EPRS1: variants seen among roughly 807,000 people sequenced by gnomAD.
EPRS1 encodes glutamyl-prolyl-tRNA synthetase 1, also known as bifunctional glutamate/proline--tRNA ligase.
EPRS1 carries 107 observed loss-of-function variants against 188.3 expected under a neutral mutation model. The ratio of observed to expected loss-of-function variants is 0.57; its 90% CI spans 0.49 to 0.67. EPRS1 has a LOEUF of 0.67. Ranked by LOEUF, EPRS1 falls within the 30% of genes least tolerant of loss-of-function variation. EPRS1 has a pLI of 0.00. For synonymous variants in EPRS1, 596 were observed against 593.1 expected, an observed-to-expected ratio of 1.00 and a Z score of -0.07; for missense variants, 1,577 against 1,802.2, an observed-to-expected ratio of 0.88 and a Z score of 2.26.
At chr1:220,014,103 G>A (rs760211157) in intron 12 of EPRS1, among the ~76,000 whole-genome samples, 20 of 152,134 alleles carry the variant, frequency 1.3e-4, no homozygotes, top group Non-Finnish European at 2.1e-4. Flanking sequence ...CGAAGTGGGC[G>A]GATCACCTGA....
chr1:219,980,934 C>G (rs1174233228), intron 24 of EPRS1, 77 bp from the exon 25 acceptor site: 15 of 929,754 alleles, frequency 1.6e-5, no homozygotes, highest in Non-Finnish European at 6.8e-6. Context: ...GGGTCTTGCT[C>G]TGTCCCCCAG....
Position 219,988,731 on chromosome 1 carries a change from TG to T in EPRS1, c.2633del (p.Pro878HisfsTer19). 6.2e-7 allele frequency: 1 copy of T among 1,613,922 alleles called. No individual in the cohort carries two copies. Among genetic ancestry groups the T allele is most frequent in the Non-Finnish European group, 8.5e-7 (1 of 1,179,848 alleles). On this transcript the variant is annotated frameshift_variant, in exon 19 of 32. Transcript: ENST00000366923. LOFTEE classifies it high-confidence loss of function. ...TGKEYIPGQP[P>X]LSQSSDSSPT... Reference sequence around the variant, plus strand: ...GGCTTGAATCCGAACTTTGAGATAATGGGGGCTGACCAGGTATGTACTCCTT... The same window carrying T: ...GGCTTGAATCCGAACTTTGAGATAATGGGGCTGACCAGGTATGTACTCCTT...
At position 220,009,034 on chromosome 1, in the gene EPRS1, T is replaced by A. The variant is rs75451964; in HGVS notation, c.1606-1696A>T. On this transcript the variant is annotated intron_variant, in intron 13 of 31. Transcript: ENST00000366923. ...TTAAAAAATAAGCACCCTTCAAAAC[T>A]TTTATTCTCAAGATTCAAATTTTAA... 3.4e-3 allele frequency among the ~76,000 whole-genome samples: 517 copies of A among 152,280 alleles called. 3 individuals are homozygous for A. The highest frequency in any genetic ancestry group is 0.012 in the African/African-American group (505 of 41,552).
At chr1:219,995,446 AG>A (rs1202296864) in intron 18 of EPRS1, among the ~76,000 whole-genome samples, 1 of 152,210 alleles carries the variant, frequency 6.6e-6, no homozygotes, top group Non-Finnish European at 1.5e-5. Context: ...ACACCTAAAA[AG>A]GAGTACATAT....
chr1:220,032,353 T>G (rs1388278177), intron 5 of EPRS1, 34 bp downstream of exon 5: 2 of 1,544,746 alleles, frequency 1.3e-6, no homozygotes, highest in African/African-American at 2.9e-5. Flanking sequence ...CCCAAAGTGT[T>G]TTTTTTTTTA....
intron 11 of EPRS1, 123 bp from the exon 12 acceptor site, chr1:220,018,631 C>A: frequency 2.9e-6 from 2 of 699,076 alleles, no homozygotes; most frequent in Non-Finnish European, 4.9e-6. Context: ...AAGTTTACTT[C>A]TAGTGAAATA....
chr1:219,981,398 T>A lies in EPRS1; in HGVS notation c.3433A>T (p.Asn1145Tyr). 1 of 1,608,436 alleles carries A rather than the reference T, an allele frequency of 6.2e-7. No individual in the cohort carries two copies. The change falls in exon 24 of 32, where the codon AAT (asparagine) becomes TAT (tyrosine). Residue 1145 changes from asparagine to tyrosine, a missense_variant. This residue lies in a region of EPRS1 where 1,278 missense variants were observed against 1,457.4 expected (regional missense o/e 0.88). Transcript: ENST00000366923. ...QSHRDLPIKL[N>Y]QWCNVVRWEF... ...CCTACCACCACATTGCACCACTGAT[T>A]GAGCTTGATGGGCAGGTCTCTGTGT...
rs192901402 is a variant in EPRS1 at position 219,987,189 on chromosome 1, G to A, written c.2991C>T (p.Leu997=). 3 of 1,613,936 alleles carry A rather than the reference G, an allele frequency of 1.9e-6. No individual in the cohort carries two copies. Among genetic ancestry groups the A allele is most frequent in the Admixed American group, 1.7e-5 (1 of 59,976 alleles). Residue 997 remains leucine, a synonymous_variant, in exon 20 of 32, where the codon CTC becomes CTT. Coordinates refer to ENST00000366923, the MANE Select transcript of EPRS1 (RefSeq NM_004446.3). ...KDPSKNQGGG[L]SSSGAGEGQG... ...GCCCTTCTCCTGCTCCACTTGATGA[G>A]AGCCCACCTCCTTGGTTTTTAGAAG...
intron 1 of EPRS1, 136 bp from the exon 2 acceptor site, chr1:220,040,405 T>C (rs1662269622): frequency 1.8e-6 from 1 of 566,406 alleles, no homozygotes; most frequent in Non-Finnish European, 3.1e-6. Context: ...CAGTAGTCTG[T>C]AGACAGAAAA....
Position 220,035,044 on chromosome 1 carries a change from T to C in EPRS1, c.132-31A>G, listed in dbSNP as rs1297098957. 1.1e-5 allele frequency: 12 copies of C among 1,075,378 alleles called. No individual in the cohort carries two copies. The South Asian group carries it at 1.4e-4, about 13-fold the overall frequency. 66.6% of individuals were successfully genotyped at this position (1,075,378 alleles called of 1,614,324 possible). On this transcript the variant is annotated intron_variant, in intron 2 of 31. Transcript: ENST00000366923. Reference sequence around the variant, plus strand: ...ATATAAGCACGAGATAAAATATTACTGCTGCTCTAGCAAATCAGTAAGTCA... The same window carrying C: ...ATATAAGCACGAGATAAAATATTACCGCTGCTCTAGCAAATCAGTAAGTCA...
chr1:220,038,118 T>TTA (rs898605161), intron 2 of EPRS1, among the ~76,000 whole-genome samples: 10 of 151,330 alleles, frequency 6.6e-5, no homozygotes, highest in African/African-American at 2.2e-4. Context: ...GTTTCACTAT[T>TTA]GTTGCCCAGG....
At chr1:220,013,851 T>C (rs1056616190) in intron 12 of EPRS1, among the ~76,000 whole-genome samples, 3 of 152,194 alleles carry the variant, frequency 2.0e-5, no homozygotes, top group Admixed American at 6.5e-5. Flanking sequence ...TTACTACCAG[T>C]TGACTAAAAA....
intron 24 of EPRS1, 113 bp from the exon 25 acceptor site, chr1:219,980,970 A>T: frequency 1.5e-6 from 1 of 650,740 alleles, no homozygotes; most frequent in South Asian, 1.9e-5. Context: ...TGCAATCATG[A>T]CTCACTGAAA....
intron 30 of EPRS1, among the ~76,000 whole-genome samples, chr1:219,970,363 T>C (rs1660641194): frequency 6.6e-6 from 1 of 152,182 alleles, no homozygotes; most frequent in African/African-American, 2.4e-5. Context: ...AACAGCAACA[T>C]GCTTCCAGCT....
chr1:220,013,218 T>C (rs1480739573), intron 12 of EPRS1, among the ~76,000 whole-genome samples: 1 of 152,234 alleles, frequency 6.6e-6, no homozygotes, highest in Non-Finnish European at 1.5e-5. Flanking sequence ...AAGTAAGCTC[T>C]TGAAATGTCT....
At chr1:220,030,620 G>A in intron 5 of EPRS1, 140 bp from the exon 6 acceptor site, 8 of 631,858 alleles carry the variant, frequency 1.3e-5, no homozygotes, top group Middle Eastern at 2.6e-4. Context: ...TACACTTGAG[G>A]GTACAAAATC....
At position 219,997,160 on chromosome 1, in the gene EPRS1, T is replaced by C. The variant is rs1661252413; in HGVS notation, c.2364A>G (p.Lys788=). 6.2e-7 allele frequency: 1 copy of C among 1,614,030 alleles called. No individual in the cohort carries two copies. Among genetic ancestry groups the C allele is most frequent in the African/African-American group, 1.3e-5 (1 of 74,950 alleles). ...GGCCAGTTTTCTCCTTATATTCAGC[T>C]TTCAAAGACAAAAGCTGTTTTACAG... ...DAAVKQLLSL[K]AEYKEKTGQE... is the part of the protein sequence containing the mutation. The change falls in exon 18 of 32, where the codon AAA becomes AAG. Residue 788 remains lysine (K), a synonymous_variant. Coordinates refer to ENST00000366923, the MANE Select transcript of EPRS1 (RefSeq NM_004446.3).
At chr1:220,035,547 G>A (rs949942553) in intron 2 of EPRS1, among the ~76,000 whole-genome samples, 2 of 152,182 alleles carry the variant, frequency 1.3e-5, no homozygotes. Flanking sequence ...AATCAAGGCT[G>A]GCCAAGTGTG....
chr1:220,000,124 C>T (rs576579045), intron 17 of EPRS1, among the ~76,000 whole-genome samples: 2 of 152,252 alleles, frequency 1.3e-5, no homozygotes, highest in South Asian at 2.1e-4. Context: ...CTGTTATTTT[C>T]GGTATGTGAT....
Sources: allele counts gnomAD v4.1 joint callset (sites outside exome capture counted in the v4.1 genomes callset), GRCh38; gene constraint gnomAD v4.1.1; regional missense constraint gnomAD v4.1.1; transcripts MANE v1.5; gene names NCBI Gene and HGNC (gene_info 2026-07-23, HGNC 2026-07-21).